NELL1: variants seen among roughly 807,000 people sequenced by gnomAD.
The protein encoded by NELL1 is neural EGFL like 1.
NELL1 carries 76 observed loss-of-function variants against 107.4 expected under a neutral mutation model. The ratio of observed to expected loss-of-function variants is 0.71; its 90% CI spans 0.59 to 0.86. The LOEUF is 0.86. NELL1 is among the 40% of genes least tolerant of loss of function. The pLI is 0.00. For missense variants in NELL1, 1,024 were observed against 1,005.5 expected (o/e 1.02, Z -0.25); for synonymous variants, 353 against 341.2 (o/e 1.03, Z -0.38).
chr11:20,766,900 G>A (rs936129132), intron 2 of NELL1, among the ~76,000 whole-genome samples: 3 of 152,004 alleles, frequency 2.0e-5, no homozygotes, highest in Non-Finnish European at 4.4e-5. Context: ...GCACCACCAC[G>A]CCCAGTTAAT....
At chr11:20,998,407 T>C (rs1193801095) in intron 12 of NELL1, among the ~76,000 whole-genome samples, 1 of 152,234 alleles carries the variant, frequency 6.6e-6, no homozygotes, top group East Asian at 1.9e-4. Context: ...GAATTTTGTT[T>C]GTTACCCCTT....
chr11:21,510,914 G>A (rs1855419888), intron 15 of NELL1, among the ~76,000 whole-genome samples: 1 of 152,168 alleles, frequency 6.6e-6, no homozygotes, highest in Non-Finnish European at 1.5e-5. Context: ...TAAAATTGAA[G>A]TTGTAGTTTT....
chr11:21,443,877 A>AG (rs1554913311), intron 15 of NELL1, among the ~76,000 whole-genome samples: 1 of 151,632 alleles, frequency 6.6e-6, no homozygotes, highest in Non-Finnish European at 1.5e-5. Flanking sequence ...GAAAAAAAAA[A>AG]GAAAAGTAGG....
chr11:21,080,155 A>G (rs1854231723), intron 12 of NELL1, among the ~76,000 whole-genome samples: 2 of 151,976 alleles, frequency 1.3e-5, no homozygotes, highest in Non-Finnish European at 2.9e-5. Context: ...ATACCTTTAA[A>G]GTATTTGTCT....
At chr11:20,953,401 G>A (rs1391854885) in intron 11 of NELL1, among the ~76,000 whole-genome samples, 1 of 152,162 alleles carries the variant, frequency 6.6e-6, no homozygotes, top group East Asian at 1.9e-4. Context: ...TCTATCATTG[G>A]CTGCAAAAGC....
intron 4 of NELL1, among the ~76,000 whole-genome samples, chr11:20,871,375 C>T (rs1849193284): frequency 6.6e-6 from 1 of 152,130 alleles, no homozygotes; most frequent in Non-Finnish European, 1.5e-5. Flanking sequence ...ATTTGTTTTG[C>T]TGTTCATCTG....
chr11:20,764,806 A>T (rs1268602234), intron 2 of NELL1, among the ~76,000 whole-genome samples: 1 of 152,022 alleles, frequency 6.6e-6, no homozygotes, highest in Non-Finnish European at 1.5e-5. Context: ...AGAGTCAGGT[A>T]TTTGTTGATC....
At position 20,940,453 on chromosome 11, in the gene NELL1, G is replaced by A. The variant is rs1850827002; in HGVS notation, c.1071+2594G>A. On this transcript the variant is annotated intron_variant, in intron 10 of 19. Transcript: ENST00000357134. ...TTTGTATTTTTAGTAGAGACGGGTTGTTGGCCAGGCTGGTCTTGAACTCCT... is the reference window on the plus strand; with the variant it reads ...TTTGTATTTTTAGTAGAGACGGGTTATTGGCCAGGCTGGTCTTGAACTCCT... 6.6e-5 allele frequency among the ~76,000 whole-genome samples: 10 copies of A among 152,002 alleles called. No individual in the cohort carries two copies. The South Asian group carries it at 2.1e-3, about 32-fold the overall frequency.
chr11:21,071,993 A>G (rs7945892), intron 12 of NELL1, among the ~76,000 whole-genome samples: 151,972 of 152,242 alleles, frequency 1, 75,851 homozygotes, highest in East Asian at 1. Context: ...GCAGAAGCCC[A>G]TGAGAAGCAA....
intron 15 of NELL1, among the ~76,000 whole-genome samples, chr11:21,497,080 A>G (rs1398790363): frequency 1.4e-5 from 2 of 146,904 alleles, no homozygotes; most frequent in Admixed American, 7.1e-5. Context: ...TAGTGCCGCA[A>G]TAAGCATACG....
intron 14 of NELL1, among the ~76,000 whole-genome samples, chr11:21,342,383 G>C (rs1391254803): frequency 7.2e-6 from 1 of 138,380 alleles, no homozygotes; most frequent in East Asian, 2.4e-4. Context: ...GCTTGTGCCT[G>C]TAATCCCAGT....
At chr11:21,140,513 A>G (rs894938127) in intron 13 of NELL1, among the ~76,000 whole-genome samples, 1 of 152,222 alleles carries the variant, frequency 6.6e-6, no homozygotes. Flanking sequence ...TTGGAAGAGT[A>G]TTCTGAAGGT....
rs142171201 is a variant in NELL1 at position 21,419,733 on chromosome 11, A to G, written c.1645+48785A>G. Reference sequence around the variant, plus strand: ...ACTTCGATGAAGAGAAAGGTGCAATATTCAAGTAAAAGTACACATAGAAGA... The same window carrying G: ...ACTTCGATGAAGAGAAAGGTGCAATGTTCAAGTAAAAGTACACATAGAAGA... On this transcript the variant is annotated intron_variant, in intron 15 of 19. Coordinates refer to ENST00000357134, the MANE Select transcript of NELL1 (RefSeq NM_006157.5). Among the ~76,000 whole-genome samples the G allele has an allele frequency of 3.3e-5, 5 of 152,292 alleles. No homozygotes were observed. The East Asian group carries it at 9.7e-4, about 29-fold the overall frequency.
chr11:20,705,707 C>G (rs1284553196), intron 2 of NELL1, among the ~76,000 whole-genome samples: 1 of 147,230 alleles, frequency 6.8e-6, no homozygotes, highest in Admixed American at 6.7e-5. Flanking sequence ...GCAAAAGAAA[C>G]TACCATCAGA....
At chr11:21,519,558 G>T (rs1309359352) in intron 15 of NELL1, among the ~76,000 whole-genome samples, 3 of 111,618 alleles carry the variant, frequency 2.7e-5, no homozygotes, top group African/African-American at 3.0e-5. Flanking sequence ...TTTTTTTTTA[G>T]ATTAAGAGGG....
At chr11:21,003,021 G>T (rs1852256922) in intron 12 of NELL1, among the ~76,000 whole-genome samples, 1 of 152,124 alleles carries the variant, frequency 6.6e-6, no homozygotes, top group South Asian at 2.1e-4. Context: ...TAGTGGAATT[G>T]ATTTCTTTTT....
At chr11:21,267,776 G>C (rs1276893559) in intron 14 of NELL1, among the ~76,000 whole-genome samples, 1 of 152,084 alleles carries the variant, frequency 6.6e-6, no homozygotes, top group African/African-American at 2.4e-5. Flanking sequence ...CTTATCCAGG[G>C]CTGCAGTCAT....
At chr11:21,155,951 C>A (rs898197771) in intron 13 of NELL1, among the ~76,000 whole-genome samples, 5 of 152,140 alleles carry the variant, frequency 3.3e-5, no homozygotes, top group African/African-American at 1.2e-4. Flanking sequence ...GATTACTTAG[C>A]CCACATGGCG....
intron 14 of NELL1, among the ~76,000 whole-genome samples, chr11:21,297,764 AT>A: frequency 6.6e-6 from 1 of 152,148 alleles, no homozygotes; most frequent in Middle Eastern, 3.4e-3. Context: ...ATGGAGCATA[AT>A]AAGTATTGTA....
Sources: allele counts gnomAD v4.1 joint callset (sites outside exome capture counted in the v4.1 genomes callset), GRCh38; gene constraint gnomAD v4.1.1; transcripts MANE v1.5; gene names NCBI Gene and HGNC (gene_info 2026-07-23, HGNC 2026-07-21).